Variants in SPMIP11 observed in about 807,000 individuals in gnomAD.
SPMIP11 encodes long intergenic non-protein coding RNA 935.
chr12:48,768,196 A>C, the SPMIP11 span: 1 of 271,970 alleles, frequency 3.7e-6, no homozygotes, highest in African/African-American at 2.2e-5. Flanking sequence ...AGGAAAAAAG[A>C]GGGAAAAGAA....
At chr12:48,744,551 T>A in the SPMIP11 span, among the ~76,000 whole-genome samples, 1 of 151,934 alleles carries the variant, frequency 6.6e-6, no homozygotes, top group South Asian at 2.1e-4. Flanking sequence ...CTGGCCAACA[T>A]TGTGAAACCC....
chr12:48,765,418 AC>A, the SPMIP11 span, among the ~76,000 whole-genome samples: 1 of 152,196 alleles, frequency 6.6e-6, no homozygotes, highest in Admixed American at 6.5e-5. Flanking sequence ...TTTAGTAGAG[AC>A]GAGGTTTCAC....
At chr12:48,730,116 C>A in the SPMIP11 span, among the ~76,000 whole-genome samples, 2 of 152,086 alleles carry the variant, frequency 1.3e-5, no homozygotes, top group African/African-American at 4.8e-5. Flanking sequence ...GTACAGCCGA[C>A]CAATTGTCCT....
the SPMIP11 span, among the ~76,000 whole-genome samples, chr12:48,757,683 A>T: frequency 6.7e-6 from 1 of 149,520 alleles, no homozygotes; most frequent in Non-Finnish European, 1.5e-5. Flanking sequence ...AATAAAATAA[A>T]AAATAAATAT....
At chr12:48,753,920 C>G in the SPMIP11 span, among the ~76,000 whole-genome samples, 2 of 151,906 alleles carry the variant, frequency 1.3e-5, no homozygotes, top group African/African-American at 4.8e-5. Flanking sequence ...CCAGGCTGGT[C>G]TGGAACTCCT....
At chr12:48,758,288 A>T in the SPMIP11 span, among the ~76,000 whole-genome samples, 3 of 152,240 alleles carry the variant, frequency 2.0e-5, no homozygotes, top group Admixed American at 1.3e-4. Flanking sequence ...GCTCAGAATC[A>T]TGCCATAGAC....
At chr12:48,762,678 T>A in the SPMIP11 span, among the ~76,000 whole-genome samples, 1 of 151,656 alleles carries the variant, frequency 6.6e-6, no homozygotes, top group African/African-American at 2.4e-5. Flanking sequence ...CTTATAACAT[T>A]CTTAAAATGA....
chr12:48,763,030 T>A, the SPMIP11 span, among the ~76,000 whole-genome samples: 1 of 151,704 alleles, frequency 6.6e-6, no homozygotes, highest in Non-Finnish European at 1.5e-5. Flanking sequence ...GGTTTCCCCG[T>A]ATTATTCATT....
the SPMIP11 span, among the ~76,000 whole-genome samples, chr12:48,763,529 T>C: frequency 6.6e-6 from 1 of 152,258 alleles, no homozygotes; most frequent in East Asian, 1.9e-4. Context: ...GCCAAAAATG[T>C]AACATCTACT....
the SPMIP11 span, chr12:48,768,811 C>T: frequency 3.2e-6 from 5 of 1,559,374 alleles, no homozygotes; most frequent in Non-Finnish European, 3.5e-6. Context: ...GCTCCCTTCC[C>T]CCAGTCCCTG....
chr12:48,729,670 A>G, the SPMIP11 span, among the ~76,000 whole-genome samples: 2 of 150,392 alleles, frequency 1.3e-5, no homozygotes, highest in Admixed American at 6.7e-5. Flanking sequence ...AGATCGCGCC[A>G]CTGCACTTCA....
chr12:48,769,251 A>G, the SPMIP11 span, among the ~76,000 whole-genome samples: 1 of 152,038 alleles, frequency 6.6e-6, no homozygotes, highest in Non-Finnish European at 1.5e-5. Flanking sequence ...TTACAAAAAA[A>G]AAATACAAAA....
chr12:48,755,151 G>T, the SPMIP11 span, among the ~76,000 whole-genome samples: 1 of 152,120 alleles, frequency 6.6e-6, no homozygotes, highest in South Asian at 2.1e-4. Context: ...TGAGAAATCT[G>T]CACCATTAAT....
chr12:48,758,514 C>T, the SPMIP11 span, among the ~76,000 whole-genome samples: 1 of 152,222 alleles, frequency 6.6e-6, no homozygotes, highest in African/African-American at 2.4e-5. Context: ...AGCCAAAATT[C>T]TTTGTCCATA....
the SPMIP11 span, among the ~76,000 whole-genome samples, chr12:48,750,922 C>T: frequency 4.6e-5 from 7 of 152,234 alleles, no homozygotes; most frequent in African/African-American, 1.7e-4. Context: ...TTCAACCATT[C>T]TGTGGTTCAA....
chr12:48,734,772 C>T, the SPMIP11 span, among the ~76,000 whole-genome samples: 8 of 151,744 alleles, frequency 5.3e-5, no homozygotes, highest in African/African-American at 9.7e-5. Flanking sequence ...GAGGCCAAGG[C>T]GGGCAGATCA....
the SPMIP11 span, chr12:48,770,658 C>T: frequency 1.7e-6 from 2 of 1,157,798 alleles, no homozygotes; most frequent in South Asian, 1.4e-5. Flanking sequence ...GGAAGAAAAC[C>T]CCACAGGAGC....
the SPMIP11 span, among the ~76,000 whole-genome samples, chr12:48,730,940 G>A: frequency 6.6e-6 from 1 of 151,772 alleles, no homozygotes. Context: ...CTCTGTCCCC[G>A]CCCCCCAAAA....
At chr12:48,762,357 T>C in the SPMIP11 span, among the ~76,000 whole-genome samples, 15 of 79,304 alleles carry the variant, frequency 1.9e-4, no homozygotes, top group African/African-American at 6.3e-4. Context: ...CCCGCCCAGC[T>C]TTTTTTTTTT....
Sources: gnomAD v4.1 joint callset for allele counts (sites outside exome capture counted in the v4.1 genomes callset) on GRCh38, gnomAD v4.1.1 for gene constraint, MANE v1.5 for transcripts, NCBI Gene and HGNC (gene_info 2026-07-23, HGNC 2026-07-21) for gene names.